AVEN: variants seen among roughly 807,000 people sequenced by gnomAD.
AVEN encodes the protein apoptosis and caspase activation inhibitor, also known as cell death regulator Aven.
Under a neutral mutation model 38.1 loss-of-function variants are expected in AVEN, and 41 were observed. The ratio of observed to expected loss-of-function variants is 1.08; its 90% CI spans 0.84 to 1.40. AVEN has a LOEUF of 1.40. AVEN is among the 40% of genes most tolerant of loss of function. The pLI, the probability that AVEN is intolerant of heterozygous loss-of-function variation, is 0.00. For missense variants in AVEN, 605 were observed against 438.8 expected, an observed-to-expected ratio of 1.38 and a Z score of -3.38; for synonymous variants, 206 against 171.8, an observed-to-expected ratio of 1.20 and a Z score of -1.56.
At chr15:33,860,290 C>CA (rs2080201817) in intron 11 of AVEN, among the ~76,000 whole-genome samples, 1 of 152,058 alleles carries the variant, frequency 6.6e-6, no homozygotes, top group Non-Finnish European at 1.5e-5. Flanking sequence ...GAGAGCCTAT[C>CA]ACACAGACTG....
chr15:33,857,692 T>C (rs2079838686), downstream of AVEN: 1 of 1,537,512 alleles, frequency 6.5e-7, no homozygotes, highest in African/African-American at 1.4e-5. Context: ...TCCTCACTCT[T>C]CCTCCTCGTT....
intron 5 of AVEN, among the ~76,000 whole-genome samples, chr15:34,052,400 G>A (rs1899956097): frequency 6.6e-6 from 1 of 152,068 alleles, no homozygotes; most frequent in South Asian, 2.1e-4. Flanking sequence ...ATACCAAATG[G>A]ACAAAAGCTG....
chr15:33,873,021 T>A (rs1390157000), intron 3 of AVEN, among the ~76,000 whole-genome samples: 2 of 151,696 alleles, frequency 1.3e-5, no homozygotes, highest in African/African-American at 4.8e-5. Flanking sequence ...CTTGAGGATT[T>A]TGGACATGTC....
At chr15:34,013,954 GGGAACTCAC>G (rs1450252184) in intron 1 of AVEN, among the ~76,000 whole-genome samples, 3 of 152,172 alleles carry the variant, frequency 2.0e-5, no homozygotes, top group Non-Finnish European at 4.4e-5. Context: ...CAAGAACAGA[GGGAACTCAC>G]ATTATCCCCT....
chr15:33,905,698 A>G (rs1469876806), intron 2 of AVEN, among the ~76,000 whole-genome samples: 2 of 151,988 alleles, frequency 1.3e-5, no homozygotes, highest in African/African-American at 4.8e-5. Context: ...GCTGGCATGC[A>G]CCTGTGGTCC....
At chr15:33,868,586 A>G (rs1028041658) in intron 4 of AVEN, among the ~76,000 whole-genome samples, 2 of 150,452 alleles carry the variant, frequency 1.3e-5, no homozygotes, top group African/African-American at 4.9e-5. Flanking sequence ...GGAAGTAATT[A>G]GCAAATCAGA....
At chr15:33,995,485 T>C (rs1336358203) in intron 2 of AVEN, among the ~76,000 whole-genome samples, 4 of 152,202 alleles carry the variant, frequency 2.6e-5, no homozygotes, top group Non-Finnish European at 5.9e-5. Context: ...TTAGCATTCC[T>C]AGATTTTGGT....
At chr15:33,865,292 A>G (rs1890128424), downstream of AVEN, 1 of 1,126,166 alleles carries the variant, frequency 8.9e-7, no homozygotes, top group Non-Finnish European at 1.3e-6. Flanking sequence ...TCCCCTTTTT[A>G]CAGTTCTGCA....
intron 2 of AVEN, among the ~76,000 whole-genome samples, chr15:33,923,118 C>T (rs1257203790): frequency 7.2e-6 from 1 of 139,596 alleles, no homozygotes; most frequent in African/African-American, 2.6e-5. Flanking sequence ...AGGCAAACTA[C>T]ATTAAAATAG....
intron 2 of AVEN, chr15:33,883,753 G>T (rs1267015211): frequency 2.0e-5 from 3 of 152,076 alleles, no homozygotes; most frequent in Non-Finnish European, 4.4e-5. Context: ...AAACAACAAG[G>T]ATTTTTCCTT....
At chr15:33,935,972 A>T (rs890063568) in intron 2 of AVEN, among the ~76,000 whole-genome samples, 4 of 152,210 alleles carry the variant, frequency 2.6e-5, no homozygotes, top group Non-Finnish European at 5.9e-5. Context: ...TACACCAAAG[A>T]ATAACCTTTT....
At chr15:34,038,613 CACCA>C (rs1899275760) in intron 1 of AVEN, among the ~76,000 whole-genome samples, 163 bp downstream of exon 1, 1 of 5,234 alleles carries the variant, frequency 1.9e-4, no homozygotes, top group Non-Finnish European at 1.6e-3. Context: ...GCGCCCCCGC[CACCA>C]GGCGCGCCCC....
At chr15:33,939,217 TC>T (rs1894217971) in intron 2 of AVEN, among the ~76,000 whole-genome samples, 2 of 152,218 alleles carry the variant, frequency 1.3e-5, no homozygotes, top group African/African-American at 4.8e-5. Context: ...AGGAAGAACC[TC>T]AGTCTTCCCT....
At chr15:34,071,449 T>A (rs59109094) in intron 1 of AVEN, among the ~76,000 whole-genome samples, 1 of 152,074 alleles carries the variant, frequency 6.6e-6, no homozygotes. Flanking sequence ...AATTTTTTTT[T>A]ATTTTTAGTA....
chr15:33,912,385 A>G (rs1892949701), intron 2 of AVEN, among the ~76,000 whole-genome samples: 1 of 152,236 alleles, frequency 6.6e-6, no homozygotes, highest in South Asian at 2.1e-4. Flanking sequence ...AAACATGGAG[A>G]CAAGTTCTAA....
At chr15:33,994,526 A>G (rs1246668121) in intron 2 of AVEN, among the ~76,000 whole-genome samples, 2 of 152,216 alleles carry the variant, frequency 1.3e-5, no homozygotes, top group African/African-American at 4.8e-5. Context: ...GGTCTGTGGA[A>G]AAATTGTCTT....
chr15:33,889,949 C>T lies in AVEN; in HGVS notation c.446-13954G>A, dbSNP rs529098278. Among the ~76,000 whole-genome samples the T allele has an allele frequency of 7.9e-5, 12 of 152,230 alleles. No individual in the cohort carries two copies. The South Asian group carries it at 1.2e-3, about 16-fold the overall frequency. On this transcript the variant is annotated intron_variant, in intron 2 of 5. Coordinates refer to ENST00000306730, the MANE Select transcript of AVEN (RefSeq NM_020371.3). ...GCTCTCCACCAATGGGGTCAAGGTA[C>T]GGCAAGGTAGATACAAACCCTACAT...
intron 5 of AVEN, among the ~76,000 whole-genome samples, chr15:34,056,398 T>TC (rs1318646635): frequency 6.6e-6 from 1 of 152,196 alleles, no homozygotes; most frequent in Non-Finnish European, 1.5e-5. Flanking sequence ...ATTCATGGAT[T>TC]CCACAGGATA....
intron 2 of AVEN, among the ~76,000 whole-genome samples, chr15:33,903,361 A>C (rs942953374): frequency 2.6e-5 from 4 of 152,212 alleles, no homozygotes; most frequent in African/African-American, 9.6e-5. Context: ...TCAGCTCTGC[A>C]ATGTGAGGCC....
Sources: allele counts gnomAD v4.1 joint callset (sites outside exome capture counted in the v4.1 genomes callset), GRCh38; gene constraint gnomAD v4.1.1; transcripts MANE v1.5; gene names NCBI Gene and HGNC (gene_info 2026-07-23, HGNC 2026-07-21).